Variants in DOCK9 observed in about 807,000 individuals in gnomAD.
DOCK9 encodes the protein dedicator of cytokinesis protein 9.
In DOCK9, 89 loss-of-function variants were observed where a neutral mutation model predicts 263.3. That is an observed-to-expected ratio of 0.34 (90% CI 0.28 to 0.40). The LOEUF is 0.40. DOCK9 is among the 10% of genes least tolerant of loss of function. DOCK9 has a pLI of 1.00. For missense variants in DOCK9, 2,140 were observed against 2,603.4 expected, an observed-to-expected ratio of 0.82 and a Z score of 3.87; for synonymous variants, 976 against 973.1, an observed-to-expected ratio of 1.00 and a Z score of -0.06.
rs1000503662 is a variant in DOCK9 at position 99,037,861 on chromosome 13, T to C, written c.129+48362A>G. Among the ~76,000 whole-genome samples, 7 of 152,208 alleles carry C rather than the reference T, an allele frequency of 4.6e-5. No individual in the cohort carries two copies. In the East Asian group the frequency reaches 1.3e-3, roughly 29 times the overall value. On this transcript the variant is annotated intron_variant, in intron 1 of 32. Transcript: ENST00000427887. Reference sequence around the variant, plus strand: ...TTATGTGAAGAAGACAAAAAAGAGTTCATACTCTGATTCCATTTTTATAAA... The same window carrying C: ...TTATGTGAAGAAGACAAAAAAGAGTCCATACTCTGATTCCATTTTTATAAA...
upstream of DOCK9, among the ~76,000 whole-genome samples, chr13:98,978,675 T>C (rs539497523): frequency 7.2e-4 from 109 of 152,156 alleles, no homozygotes; most frequent in Non-Finnish European, 1.4e-3. Context: ...TATCAGAAGG[T>C]ACCCCCAGTA....
At chr13:98,879,816 G>C (rs2044451768) in intron 27 of DOCK9, 82 bp downstream of exon 27, 1 of 1,171,584 alleles carries the variant, frequency 8.5e-7, no homozygotes, top group Non-Finnish European at 1.2e-6. Flanking sequence ...CACAGAGAAA[G>C]CATGAAGAAA....
chr13:99,021,278 T>C (rs1886060625), intron 1 of DOCK9, among the ~76,000 whole-genome samples: 1 of 152,184 alleles, frequency 6.6e-6, no homozygotes, highest in Admixed American at 6.5e-5. Context: ...CATACAAAAT[T>C]CAAATACATG....
At chr13:98,842,680 TAC>T in intron 38 of DOCK9, among the ~76,000 whole-genome samples, 1 of 152,390 alleles carries the variant, frequency 6.6e-6, no homozygotes, top group Non-Finnish European at 1.5e-5. Flanking sequence ...TTCATGTACC[TAC>T]AGTGTACCCT....
Position 98,930,231 on chromosome 13 carries a change from T to C in DOCK9, c.270A>G (p.Arg90=), listed in dbSNP as rs763718596. The C allele has an allele frequency of 6.2e-7, 1 of 1,611,582 alleles. No individual in the cohort carries two copies. The highest frequency in any genetic ancestry group is 8.5e-7 in the Non-Finnish European group (1 of 1,178,890). ...TCGCAGGCACTGTTGAGCATATGTA[T>C]CGACCCTGTCGTCTCAGGATGGCCG... ...FQTAILRRQG[R]YICSTVPAKA... The change falls in exon 3 of 53, where the codon CGA becomes CGG. Residue 90 remains arginine (R), a synonymous_variant. Coordinates refer to ENST00000682017, the MANE Select transcript of DOCK9 (RefSeq NM_001366683.2).
In DOCK9 at chr13:98,908,802, A is replaced by G. The variant is rs372706928; in HGVS notation, c.961-4096T>C. Among the ~76,000 whole-genome samples the G allele has an allele frequency of 3.3e-5, 5 of 152,378 alleles. No individual in the cohort carries two copies. The East Asian group carries it at 9.6e-4, about 29-fold the overall frequency. Reference sequence around the variant, plus strand: ...GAAGGGAAAAGGTGAACTTTTCTTTAAACAACTTTGGGTATTTTTACTTAT... The same window carrying G: ...GAAGGGAAAAGGTGAACTTTTCTTTGAACAACTTTGGGTATTTTTACTTAT... On this transcript the variant is annotated intron_variant, in intron 9 of 52. Transcript: ENST00000682017.
intron 2 of DOCK9, among the ~76,000 whole-genome samples, chr13:98,952,589 C>T (rs1350746861): frequency 4.6e-5 from 7 of 152,176 alleles, no homozygotes; most frequent in Non-Finnish European, 7.3e-5. Flanking sequence ...TTCTTTGCTG[C>T]TGTTGTAGTA....
chr13:99,034,239 G>C (rs1031758837), intron 1 of DOCK9, among the ~76,000 whole-genome samples: 3 of 152,044 alleles, frequency 2.0e-5, no homozygotes, highest in Non-Finnish European at 4.4e-5. Context: ...CATTTCCCCA[G>C]TTTCCCCCAA....
intron 45 of DOCK9, among the ~76,000 whole-genome samples, chr13:98,823,824 C>T (rs1353604117): frequency 2.6e-5 from 4 of 152,194 alleles, no homozygotes; most frequent in Admixed American, 2.6e-4. Context: ...GACATTGCTA[C>T]GGTGATCTAA....
intron 7 of DOCK9, among the ~76,000 whole-genome samples, chr13:98,918,973 A>T (rs2140009214): frequency 6.6e-6 from 1 of 152,312 alleles, no homozygotes; most frequent in Admixed American, 6.5e-5. Flanking sequence ...GAAATCATGC[A>T]ATGACGTCCA....
chr13:98,871,259 G>A (rs1174065676), intron 27 of DOCK9, among the ~76,000 whole-genome samples: 7 of 152,200 alleles, frequency 4.6e-5, no homozygotes, highest in African/African-American at 1.7e-4. Flanking sequence ...TATCAAGCAA[G>A]GGCAGTAGAA....
Position 98,854,181 on chromosome 13 carries a change from C to G in DOCK9, c.3832-659G>C, listed in dbSNP as rs565110848. On this transcript the variant is annotated intron_variant, in intron 34 of 52. Transcript: ENST00000682017. Reference sequence around the variant, plus strand: ...ACTGCAAACGTCAGAAAGCTTGGGGCAAACAAGAGGGCAATTTTGCCACTA... The same window carrying G: ...ACTGCAAACGTCAGAAAGCTTGGGGGAAACAAGAGGGCAATTTTGCCACTA... Among the ~76,000 whole-genome samples the G allele has an allele frequency of 4.0e-5, 6 of 151,578 alleles. No individual in the cohort carries two copies. The East Asian group carries it at 1.2e-3, about 30-fold the overall frequency.
intron 52 of DOCK9, among the ~76,000 whole-genome samples, chr13:98,796,839 G>A (rs1207332279): frequency 1.3e-5 from 2 of 152,120 alleles, no homozygotes; most frequent in Non-Finnish European, 2.9e-5. Flanking sequence ...GCTAGACGGG[G>A]GTGGGGAGAG....
chr13:98,799,709 G>C (rs561357477), intron 50 of DOCK9, among the ~76,000 whole-genome samples: 1 of 152,258 alleles, frequency 6.6e-6, no homozygotes, highest in African/African-American at 2.4e-5. Flanking sequence ...ATTCCAGATG[G>C]ACTGCAGACC....
chr13:98,828,934 C>T (rs1444052449), intron 43 of DOCK9, among the ~76,000 whole-genome samples: 1 of 152,100 alleles, frequency 6.6e-6, no homozygotes, highest in Admixed American at 6.5e-5. Flanking sequence ...ATGGACTACC[C>T]TACAGAGGAG....
intron 47 of DOCK9, among the ~76,000 whole-genome samples, chr13:98,808,073 T>G (rs1018658533): frequency 5.3e-5 from 8 of 152,158 alleles, no homozygotes; most frequent in African/African-American, 1.4e-4. Flanking sequence ...GACTAAGCTG[T>G]CCCAGGGAAG....
At chr13:98,864,240 C>T (rs1275141366) in intron 30 of DOCK9, among the ~76,000 whole-genome samples, 2 of 152,238 alleles carry the variant, frequency 1.3e-5, no homozygotes, top group Non-Finnish European at 2.9e-5. Context: ...TCAAACCAAA[C>T]TGGTAAATCA....
intron 1 of DOCK9, among the ~76,000 whole-genome samples, chr13:99,003,756 C>T (rs980089610): frequency 6.6e-6 from 1 of 152,202 alleles, no homozygotes; most frequent in Non-Finnish European, 1.5e-5. Flanking sequence ...CCTGTGACCC[C>T]CCAATGACCT....
chr13:99,028,321 T>C (rs1056504698), intron 1 of DOCK9, among the ~76,000 whole-genome samples: 3 of 152,084 alleles, frequency 2.0e-5, no homozygotes, highest in Admixed American at 6.5e-5. Flanking sequence ...CACGGCTTCC[T>C]TCATCAGGGC....
Sources: gnomAD v4.1 joint callset for allele counts (sites outside exome capture counted in the v4.1 genomes callset) on GRCh38, gnomAD v4.1.1 for gene constraint, MANE v1.5 for transcripts, NCBI Gene and HGNC (gene_info 2026-07-23, HGNC 2026-07-21) for gene names.